SH3BP1: variants seen among roughly 807,000 people sequenced by gnomAD.
The protein encoded by SH3BP1 is SH3 domain binding protein 1.
Under a neutral mutation model 69.8 loss-of-function variants are expected in SH3BP1, and 46 were observed. The observed-to-expected ratio is 0.66, with a 90% CI of 0.52 to 0.84. SH3BP1 has a LOEUF of 0.84. Ranked by LOEUF, SH3BP1 falls within the 40% of genes least tolerant of loss-of-function variation. The probability of loss-of-function intolerance (pLI) is 0.00; values close to 1 mark genes in which losing one functional copy is unlikely to be tolerated. For missense variants in SH3BP1, 868 were observed against 930.9 expected, an observed-to-expected ratio of 0.93 and a Z score of 0.88; for synonymous variants, 403 against 378.0, an observed-to-expected ratio of 1.07 and a Z score of -0.77.
chr22:37,655,227 G>C, intron 17 of SH3BP1, 45 bp from the exon 18 acceptor site: 1 of 1,451,222 alleles, frequency 6.9e-7, no homozygotes, highest in Non-Finnish European at 9.3e-7. Flanking sequence ...TTCACCACAG[G>C]CCACGTGGAC....
At position 37,653,780 on chromosome 22, in the gene SH3BP1, A is replaced by G. The variant is rs1932937335; in HGVS notation, c.1600A>G (p.Thr534Ala). The G allele has an allele frequency of 1.2e-6, 2 of 1,611,404 alleles. No individual in the cohort carries two copies. Among genetic ancestry groups the G allele is most frequent in the Non-Finnish European group, 1.7e-6 (2 of 1,177,956 alleles). ...CCCATCCTCTCCTTCCCTCTGCAGGACAGAGTCTGAGGTGCCTCCCAGACC... is the reference window on the plus strand; with the variant it reads ...CCCATCCTCTCCTTCCCTCTGCAGGGCAGAGTCTGAGGTGCCTCCCAGACC... ...ALASAATKER[T>A]ESEVPPRPAS... Residue 534 changes from threonine to alanine, a missense_variant and splice_region_variant, in exon 17 of 18, where the codon ACA becomes GCA. Thr to Ala is a moderately conservative substitution (Grantham distance 58). This residue lies in a region of SH3BP1 where 474 missense variants were observed against 462.3 expected (regional missense o/e 1.03). Coordinates refer to ENST00000649765, the MANE Select transcript of SH3BP1 (RefSeq NM_018957.6).
chr22:37,647,542 C>T (rs571958221), intron 13 of SH3BP1, 21 bp downstream of exon 13: 1 of 1,577,408 alleles, frequency 6.3e-7, no homozygotes, highest in Non-Finnish European at 8.6e-7. Flanking sequence ...GCCCGCCTCC[C>T]CAGCCTGCCG....
At position 37,655,545 on chromosome 22, in the gene SH3BP1, C is replaced by T. The variant is rs2269548; in HGVS notation, c.1967C>T (p.Ser656Phe). The T allele has an allele frequency of 1.1e-5, 17 of 1,592,370 alleles. No homozygotes were observed. Among genetic ancestry groups the T allele is most frequent in the Non-Finnish European group, 1.4e-5 (16 of 1,170,876 alleles). Residue 656 changes from serine (S) to phenylalanine (F), a missense_variant, in exon 18 of 18, where the codon TCT (serine) becomes TTT (phenylalanine). This residue lies in a region of SH3BP1 where 474 missense variants were observed against 462.3 expected (regional missense o/e 1.03). Coordinates refer to ENST00000649765, the MANE Select transcript of SH3BP1 (RefSeq NM_018957.6). ...SPGPASPSPVSLSNPAQVDLG... is the reference protein window; with the variant it reads ...SPGPASPSPVFLSNPAQVDLG... Reference sequence around the variant, plus strand: ...GGTCCAGCCTCCCCCAGCCCAGTCTCTTTGAGTAACCCTGCACAGGTGGAC... The same window carrying T: ...GGTCCAGCCTCCCCCAGCCCAGTCTTTTTGAGTAACCCTGCACAGGTGGAC...
chr22:37,641,689 C>T, intron 3 of SH3BP1: 1 of 544,658 alleles, frequency 1.8e-6, no homozygotes, highest in South Asian at 2.3e-5. Context: ...CACCAGTTCC[C>T]ATAAGCCAAG....
intron 3 of SH3BP1, 112 bp from the exon 4 acceptor site, chr22:37,642,427 G>A (rs1357971545): frequency 3.1e-6 from 3 of 971,030 alleles, no homozygotes; most frequent in Non-Finnish European, 3.2e-6. Flanking sequence ...CTCTCATCTG[G>A]GACTGTGGCC....
At position 37,642,612 on chromosome 22, in the gene SH3BP1, T is replaced by G; in HGVS notation, c.281T>G (p.Met94Arg). 1.2e-6 allele frequency: 2 copies of G among 1,613,266 alleles called. No homozygotes were observed. Among genetic ancestry groups the G allele is most frequent in the Non-Finnish European group, 1.7e-6 (2 of 1,179,946 alleles). ...AAGGAGCTGGACCCTGATTCCAGCA[T>G]GGGGTGAGCACAGACGGGGCCCAGC... ...SFKELDPDSS[M>R]GKALEMSCAI... is the part of the protein sequence containing the mutation. Residue 94 changes from methionine (M) to arginine (R), a missense_variant, in exon 4 of 18, where the codon ATG becomes AGG. Physicochemically the swap from Met to Arg is moderately conservative, Grantham distance 91 (BLOSUM62 -1). Coordinates refer to ENST00000649765, the MANE Select transcript of SH3BP1 (RefSeq NM_018957.6).
At chr22:37,654,893 T>G (rs1359160061) in intron 17 of SH3BP1, among the ~76,000 whole-genome samples, 1 of 152,204 alleles carries the variant, frequency 6.6e-6, no homozygotes, top group African/African-American at 2.4e-5. Flanking sequence ...GAGGCTAGCT[T>G]GAGCCCTGGA....
Position 37,641,104 on chromosome 22 carries a change from CCCCCCCCA to C in SH3BP1, c.60-19_60-12del. The C allele has an allele frequency of 2.3e-6, 3 of 1,286,876 alleles. No homozygotes were observed. Among genetic ancestry groups the C allele is most frequent in the African/African-American group, 1.5e-5 (1 of 66,204 alleles). 79.7% of individuals were successfully genotyped at this position (1,286,876 alleles called of 1,614,324 possible). On this transcript the variant is annotated splice_polypyrimidine_tract_variant and intron_variant, in intron 1 of 17. Transcript: ENST00000649765. ...AGGCTCAGCAGAAGCACTCTCCCCC[CCCCCCCCA>C]CCACTCCCCGCAGCACCCCGGAGAC...
At position 37,642,907 on chromosome 22, in the gene SH3BP1, G is replaced by A; in HGVS notation, c.297G>A (p.Glu99=). 1 of 1,612,678 alleles carries A rather than the reference G, an allele frequency of 6.2e-7. No homozygotes were observed. The highest frequency in any genetic ancestry group is 1.1e-5 in the South Asian group (1 of 91,080). Residue 99 remains glutamate (E), a synonymous_variant, in exon 5 of 18, where the codon GAG becomes GAA. Transcript: ENST00000649765. The part of the protein sequence containing the change: ...DPDSSMGKAL[E]MSCAIQNQLA... ...GCCGTGTCCACAGGAAGGCCTTGGA[G>A]ATGAGCTGTGCCATCCAGAATCAGC...
intron 3 of SH3BP1, among the ~76,000 whole-genome samples, 181 bp downstream of exon 3, chr22:37,641,659 C>A (rs1932604077): frequency 6.6e-6 from 1 of 152,226 alleles, no homozygotes. Context: ...TCCCCATCAC[C>A]TTTACCCCAC....
chr22:37,655,172 G>T, intron 17 of SH3BP1, 100 bp from the exon 18 acceptor site: 1 of 818,612 alleles, frequency 1.2e-6, no homozygotes, highest in Non-Finnish European at 1.8e-6. Flanking sequence ...CCGGCAGAGG[G>T]AACAGCAGAT....
chr22:37,647,630 A>G (rs773089742), intron 13 of SH3BP1, 109 bp downstream of exon 13: 6 of 694,512 alleles, frequency 8.6e-6, no homozygotes, highest in Non-Finnish European at 1.1e-5. Context: ...ATCCTAAGAA[A>G]TATTACTGAA....
At chr22:37,644,573 C>T (rs1333683853) in intron 7 of SH3BP1, 64 bp from the exon 8 acceptor site, 5 of 1,528,292 alleles carry the variant, frequency 3.3e-6, no homozygotes, top group East Asian at 2.2e-5. Flanking sequence ...CCTTCCAAGC[C>T]TCCTCTTCCC....
In SH3BP1 at chr22:37,645,460, CCCA is replaced by C; in HGVS notation, c.875_877del (p.Pro292_Ile293delinsLeu). Reference sequence around the variant, plus strand: ...AGAGCTGGGCCGGGAGATTGCCCTGCCCATCGAGGCCTGCGTCATGATGCTGCT... The same window carrying C: ...AGAGCTGGGCCGGGAGATTGCCCTGCTCGAGGCCTGCGTCATGATGCTGCT... On this transcript the variant is annotated inframe_deletion, in exon 10 of 18. Coordinates refer to ENST00000649765, the MANE Select transcript of SH3BP1 (RefSeq NM_018957.6). The C allele has an allele frequency of 6.2e-7, 1 of 1,613,800 alleles. No individual in the cohort carries two copies. The highest frequency in any genetic ancestry group is 8.5e-7 in the Non-Finnish European group (1 of 1,179,778).
chr22:37,650,675 T>C lies in SH3BP1; in HGVS notation c.1548T>C (p.Ala516=), dbSNP rs1381826044. 1 of 1,613,358 alleles carries C rather than the reference T, an allele frequency of 6.2e-7. No homozygotes were observed. The highest frequency in any genetic ancestry group is 2.2e-5 in the East Asian group (1 of 44,868). ...CCACCACCCCGGCTCCGGCTCCGGC[T>C]CCAGCTCCAGCTCCGGCCCCAGCCT... ...TPATTPAPAP[A]PAPAPAPALA... Residue 516 remains alanine, a synonymous_variant, in exon 16 of 18, where the codon GCT becomes GCC. Transcript: ENST00000649765.
chr22:37,651,823 G>A (rs1038768740), intron 16 of SH3BP1, among the ~76,000 whole-genome samples: 5 of 151,840 alleles, frequency 3.3e-5, no homozygotes, highest in African/African-American at 4.8e-5. Context: ...CCACCAGTGC[G>A]TTCTCTCTAT....
chr22:37,642,404 C>T, intron 3 of SH3BP1, 135 bp from the exon 4 acceptor site: 1 of 762,020 alleles, frequency 1.3e-6, no homozygotes, highest in Non-Finnish European at 2.2e-6. Context: ...CACGCCTTGT[C>T]ATCTTGTTTC....
intron 6 of SH3BP1, 96 bp downstream of exon 6, chr22:37,643,270 T>C: frequency 9.2e-7 from 1 of 1,082,224 alleles, no homozygotes; most frequent in Non-Finnish European, 1.4e-6. Context: ...GAGGATGCTG[T>C]GGGGTCTGCT....
chr22:37,647,204 C>T, intron 11 of SH3BP1, 63 bp from the exon 12 acceptor site: 1 of 1,438,200 alleles, frequency 7.0e-7, no homozygotes, highest in Non-Finnish European at 9.8e-7. Context: ...GAGGTTCCTT[C>T]TACAGGGAGA....
Sources: allele counts gnomAD v4.1 joint callset (sites outside exome capture counted in the v4.1 genomes callset), GRCh38; gene constraint gnomAD v4.1.1; regional missense constraint gnomAD v4.1.1; transcripts MANE v1.5; gene names NCBI Gene and HGNC (gene_info 2026-07-23, HGNC 2026-07-21).